Variants in APC observed in about 807,000 individuals in gnomAD.
The protein encoded by APC is APC regulator of Wnt signaling pathway, also known as adenomatous polyposis coli protein.
In APC, 72 loss-of-function variants were observed where a neutral mutation model predicts 247.0. The observed-to-expected ratio is 0.29, with a 90% CI of 0.24 to 0.35. APC has a LOEUF of 0.35. Among genes scored for constraint, APC ranks in the 10% least tolerant of loss-of-function variants. The pLI is 1.00. For missense variants in APC, 3,400 were observed against 3,360.7 expected (o/e 1.01, Z -0.29); for synonymous variants, 1,254 against 1,162.5 (o/e 1.08, Z -1.60).
chr5:112,722,225 A>G (rs2149658390), intron 1 of APC, among the ~76,000 whole-genome samples: 1 of 152,318 alleles, frequency 6.6e-6, no homozygotes, highest in Middle Eastern at 3.4e-3. Flanking sequence ...AAAGTAATAC[A>G]CTGTTCGGTT....
At chr5:112,814,186 C>T (rs574587049) in intron 8 of APC, among the ~76,000 whole-genome samples, 1 of 152,326 alleles carries the variant, frequency 6.6e-6, no homozygotes, top group East Asian at 1.9e-4. Flanking sequence ...GCAAATATTG[C>T]TGACACTATT....
chr5:112,769,598 A>G (rs549747065), intron 4 of APC, among the ~76,000 whole-genome samples: 8 of 152,310 alleles, frequency 5.3e-5, no homozygotes, highest in Middle Eastern at 3.4e-3. Flanking sequence ...TAAAAGTTCT[A>G]TTAGACATTC....
rs1765275278 is a variant in APC at position 112,838,421 on chromosome 5, T to A, written c.2827T>A (p.Ser943Thr). 1 of 1,614,200 alleles carries A rather than the reference T, an allele frequency of 6.2e-7. No homozygotes were observed. Among genetic ancestry groups the A allele is most frequent in the Non-Finnish European group, 8.5e-7 (1 of 1,180,026 alleles). Reference protein sequence around the residue: ...NTYNFTKSENSNRTCSMPYAK... With the variant: ...NTYNFTKSENTNRTCSMPYAK... Reference sequence around the variant, plus strand: ...TTACAATTTCACTAAGTCGGAAAATTCAAATAGGACATGTTCTATGCCTTA... The same window carrying A: ...TTACAATTTCACTAAGTCGGAAAATACAAATAGGACATGTTCTATGCCTTA... The change falls in exon 16 of 16, where the codon TCA becomes ACA. Residue 943 changes from serine to threonine, a missense_variant. Around this residue, in one of 9 missense-constraint regions of APC, gnomAD observed 715 missense variants for 656.6 expected, o/e 1.09. Coordinates refer to ENST00000257430, the MANE Select transcript of APC (RefSeq NM_000038.6).
rs765573502 is a variant in APC, at chr5:112,844,107, A to G, written c.8513A>G (p.Tyr2838Cys). Residue 2838 changes from tyrosine (Y) to cysteine (C), a missense_variant, in exon 16 of 16, where the codon TAC becomes TGC. This residue lies in a region of APC where 1,788 missense variants were observed against 1,649.5 expected (regional missense o/e 1.08). Coordinates refer to ENST00000257430, the MANE Select transcript of APC (RefSeq NM_000038.6). ...TQSPKRHSGS[Y>C]LVTSV is the part of the protein sequence containing the mutation. ...AGTCCTAAGCGCCATTCTGGGTCTT[A>G]CCTTGTGACATCTGTTTAAAAGAGA... is the stretch of plus-strand genomic sequence containing the variant. 2 of 1,613,062 alleles carry G rather than the reference A, an allele frequency of 1.2e-6. No homozygotes were observed. The highest frequency in any genetic ancestry group is 8.5e-7 in the Non-Finnish European group (1 of 1,179,226).
chr5:112,739,082 T>G (rs1161761889), intron 1 of APC, among the ~76,000 whole-genome samples: 2 of 152,140 alleles, frequency 1.3e-5, no homozygotes, highest in African/African-American at 4.8e-5. Context: ...ATATTTCTCT[T>G]TGGTTGCTTT....
chr5:112,710,946 G>T (rs114972863), intron 1 of APC, among the ~76,000 whole-genome samples: 129 of 152,324 alleles, frequency 8.5e-4, no homozygotes, highest in African/African-American at 3.0e-3. Flanking sequence ...CTTTGCACTC[G>T]TACTGCCTTT....
At chr5:112,715,274 G>A (rs534875247) in intron 1 of APC, among the ~76,000 whole-genome samples, 2 of 152,324 alleles carry the variant, frequency 1.3e-5, no homozygotes, top group East Asian at 3.9e-4. Flanking sequence ...AACAGAGCCT[G>A]TGTTGTCTGA....
At position 112,842,153 on chromosome 5, in the gene APC, G is replaced by C. The variant is rs762346476; in HGVS notation, c.6559G>C (p.Gly2187Arg). The C allele has an allele frequency of 1.9e-6, 3 of 1,612,082 alleles. No homozygotes were observed. Among genetic ancestry groups the C allele is most frequent in the Non-Finnish European group, 2.5e-6 (3 of 1,178,890 alleles). ...ETKKIESESK[G>R]IKGGKKVYKS... Reference sequence around the variant, plus strand: ...TAAAAAGATAGAATCTGAAAGTAAAGGAATCAAAGGAGGAAAAAAAGTTTA... The same window carrying C: ...TAAAAAGATAGAATCTGAAAGTAAACGAATCAAAGGAGGAAAAAAAGTTTA... The change falls in exon 16 of 16, where the codon GGA becomes CGA. Residue 2187 changes from glycine to arginine, a missense_variant. By Grantham distance (125) the Gly-to-Arg change is moderately radical. Coordinates refer to ENST00000257430, the MANE Select transcript of APC (RefSeq NM_000038.6).
At chr5:112,761,575 T>C (rs1467457513) in intron 2 of APC, among the ~76,000 whole-genome samples, 2 of 151,730 alleles carry the variant, frequency 1.3e-5, no homozygotes, top group Non-Finnish European at 2.9e-5. Context: ...AAAAGATCAG[T>C]AGAAAATATT....
Position 112,839,827 on chromosome 5 carries a change from T to C in APC, c.4233T>C (p.Ser1411=), listed in dbSNP as rs761170573. The C allele has an allele frequency of 6.8e-6, 11 of 1,613,956 alleles. No individual in the cohort carries two copies. The Admixed American group carries it at 1.8e-4, about 27-fold the overall frequency. ...IASSVQSEPC[S]GMVSGIISPS... is the part of the protein sequence containing the mutation. ...GCTCCGTTCAGAGTGAACCATGCAG[T>C]GGAATGGTAAGTGGCATTATAAGCC... Residue 1411 remains serine (S), a synonymous_variant, in exon 16 of 16, where the codon AGT becomes AGC. Transcript: ENST00000257430. The surrounding 1 kb of genome is among the most constrained non-coding windows in gnomAD (Gnocchi z 5.0).
chr5:112,831,185 TG>T (rs1465229584), intron 14 of APC, among the ~76,000 whole-genome samples: 10 of 152,224 alleles, frequency 6.6e-5, no homozygotes, highest in African/African-American at 1.9e-4. Flanking sequence ...CTCGGCTAAC[TG>T]CAACCTCCAA....
chr5:112,807,600 GC>G (rs923082004), intron 8 of APC, among the ~76,000 whole-genome samples: 1 of 150,212 alleles, frequency 6.7e-6, no homozygotes, highest in Non-Finnish European at 1.5e-5. Flanking sequence ...TCTGGTAATA[GC>G]CAGTATATAA....
At position 112,741,984 on chromosome 5, in the gene APC, C is replaced by T. The variant is rs7706623; in HGVS notation, c.-19+4059C>T. ...TTCCTTTTTAGGTCTAAATGATGTTCCATTGCATGTATATGCCACATTTTG... is the reference window on the plus strand; with the variant it reads ...TTCCTTTTTAGGTCTAAATGATGTTTCATTGCATGTATATGCCACATTTTG... On this transcript the variant is annotated intron_variant, in intron 1 of 15. Transcript: ENST00000257430. Among the ~76,000 whole-genome samples, 15,233 of 152,182 alleles carry T rather than the reference C, an allele frequency of 0.1. 1,682 individuals are homozygous for T. The highest frequency in any genetic ancestry group is 0.27 in the African/African-American group (11,362 of 41,458).
chr5:112,842,808 A>C lies in APC; in HGVS notation c.7214A>C (p.Asn2405Thr), dbSNP rs730881258. ...GCCTCCAAAGGACTAAATCAGATGA[A>C]TAATGGTAATGGAGCCAATAAAAAG... ...ESASKGLNQMNNGNGANKKVE... is the reference protein window; with the variant it reads ...ESASKGLNQMTNGNGANKKVE... The change falls in exon 16 of 16, where the codon AAT becomes ACT. Residue 2405 changes from asparagine to threonine, a missense_variant. Transcript: ENST00000257430. 2 of 1,613,540 alleles carry C rather than the reference A, an allele frequency of 1.2e-6. No homozygotes were observed. Among genetic ancestry groups the C allele is most frequent in the South Asian group, 1.1e-5 (1 of 91,070 alleles).
At chr5:112,741,145 G>C (rs1238721227) in intron 1 of APC, among the ~76,000 whole-genome samples, 3 of 152,066 alleles carry the variant, frequency 2.0e-5, no homozygotes, top group Non-Finnish European at 4.4e-5. Context: ...AAAAATGCTG[G>C]AGTCAAATAA....
intron 6 of APC, among the ~76,000 whole-genome samples, chr5:112,787,687 A>G (rs1759120382): frequency 6.6e-6 from 1 of 152,200 alleles, no homozygotes; most frequent in South Asian, 2.1e-4. Flanking sequence ...TCCTCTTGAT[A>G]CCAATCCTTT....
chr5:112,842,486 G>A lies in APC; in HGVS notation c.6892G>A (p.Ala2298Thr), dbSNP rs2149975615. The A allele has an allele frequency of 6.2e-7, 1 of 1,613,984 alleles. No individual in the cohort carries two copies. Among genetic ancestry groups the A allele is most frequent in the Non-Finnish European group, 8.5e-7 (1 of 1,179,944 alleles). The part of the protein sequence containing the change: ...QTSQIGGSSK[A>T]PSRSGSRDST... ...ATCCCAAATAGGTGGGTCAAGTAAA[G>A]CACCTTCTAGATCAGGATCTAGAGA... The change falls in exon 16 of 16, where the codon GCA becomes ACA. Residue 2298 changes from alanine (A) to threonine (T), a missense_variant. Physicochemically the swap from Ala to Thr is moderately conservative, Grantham distance 58. Transcript: ENST00000257430.
chr5:112,767,281 A>G lies in APC; in HGVS notation c.313A>G (p.Ser105Gly), dbSNP rs776242276. The change falls in exon 4 of 16, where the codon AGC (serine) becomes GGC (glycine). Residue 105 changes from serine to glycine, a missense_variant. Ser to Gly is a moderately conservative substitution (Grantham distance 56, BLOSUM62 0). Coordinates refer to ENST00000257430, the MANE Select transcript of APC (RefSeq NM_000038.6). ...SYGSREGSVS[S>G]RSGECSPVPM... ...TGGAAGCCGGGAAGGATCTGTATCA[A>G]GCCGTTCTGGAGAGTGCAGTCCTGT... is the stretch of plus-strand genomic sequence containing the variant. 6.8e-6 allele frequency: 11 copies of G among 1,614,076 alleles called. No homozygotes were observed. In the Middle Eastern group the frequency reaches 1.5e-3, roughly 217 times the overall value.
chr5:112,826,171 T>C (rs1489629252), intron 11 of APC, among the ~76,000 whole-genome samples: 1 of 152,228 alleles, frequency 6.6e-6, no homozygotes, highest in Non-Finnish European at 1.5e-5. Context: ...ACGTACTGGC[T>C]GTCTTGCAGA....
Sources: allele counts gnomAD v4.1 joint callset (sites outside exome capture counted in the v4.1 genomes callset), GRCh38; gene constraint gnomAD v4.1.1; regional missense constraint gnomAD v4.1.1; non-coding constraint Gnocchi (gnomAD v3.1); transcripts MANE v1.5; gene names NCBI Gene and HGNC (gene_info 2026-07-23, HGNC 2026-07-21).